GPHN: variants seen among roughly 807,000 people sequenced by gnomAD.
The protein encoded by GPHN is gephyrin.
GPHN carries 17 observed loss-of-function variants against 95.5 expected under a neutral mutation model. The ratio of observed to expected loss-of-function variants is 0.18; its 90% CI spans 0.12 to 0.27. GPHN has a LOEUF of 0.27. GPHN is among the 10% of genes least tolerant of loss of function. GPHN has a pLI of 1.00. For missense variants in GPHN, 660 were observed against 978.1 expected, an observed-to-expected ratio of 0.67 and a Z score of 4.34; for synonymous variants, 320 against 322.5, an observed-to-expected ratio of 0.99 and a Z score of 0.08.
At chr14:67,654,117 A>T in the GPHN span, among the ~76,000 whole-genome samples, 1 of 151,944 alleles carries the variant, frequency 6.6e-6, no homozygotes, top group East Asian at 1.9e-4. Flanking sequence ...CTTGGCTTTT[A>T]TTTATTTGAA....
chr14:66,543,754 T>C (rs1436659452), intron 1 of GPHN, among the ~76,000 whole-genome samples: 1 of 152,196 alleles, frequency 6.6e-6, no homozygotes, highest in African/African-American at 2.4e-5. Flanking sequence ...GATCAAACCA[T>C]GAAAACATAT....
At chr14:67,041,380 C>G (rs529422030) in intron 10 of GPHN, among the ~76,000 whole-genome samples, 1 of 151,960 alleles carries the variant, frequency 6.6e-6, no homozygotes, top group Admixed American at 6.6e-5. Context: ...CCCCCACCCC[C>G]CAACAGGCCC....
At chr14:67,099,110 CTTT>C (rs1200580490) in intron 12 of GPHN, among the ~76,000 whole-genome samples, 1 of 138,966 alleles carries the variant, frequency 7.2e-6, no homozygotes, top group African/African-American at 2.6e-5. Context: ...GTTGTAAAAA[CTTT>C]TTTTTTTTTT....
rs955138105 is a variant in GPHN at position 66,518,654 on chromosome 14, A to G, written c.64+10063A>G. On this transcript the variant is annotated intron_variant, in intron 1 of 22. Coordinates refer to ENST00000478722, the MANE Select transcript of GPHN (RefSeq NM_020806.5). ...ATGCATAATGGAATACTGTTCAGCC[A>G]TAAAGAATGAAATCCTATCATTCAT... Among the ~76,000 whole-genome samples the G allele has an allele frequency of 2.6e-5, 4 of 152,186 alleles. No individual in the cohort carries two copies. In the East Asian group the frequency reaches 5.8e-4, roughly 22 times the overall value.
the GPHN span, among the ~76,000 whole-genome samples, chr14:67,544,320 G>T: frequency 2.0e-5 from 3 of 152,182 alleles, no homozygotes; most frequent in Admixed American, 1.3e-4. Flanking sequence ...TACTACCTGT[G>T]TGGTTTAGGA....
At chr14:66,966,406 A>G (rs896877452) in intron 9 of GPHN, among the ~76,000 whole-genome samples, 5 of 152,048 alleles carry the variant, frequency 3.3e-5, no homozygotes, top group Non-Finnish European at 7.4e-5. Context: ...AAAAAAACTG[A>G]TATTAATTTT....
chr14:67,670,317 G>A, the GPHN span, among the ~76,000 whole-genome samples: 5 of 150,364 alleles, frequency 3.3e-5, no homozygotes, highest in Non-Finnish European at 6.0e-5. Context: ...CAATCTGGCT[G>A]TTTCACCTGC....
chr14:67,382,774 A>C, the GPHN span: 1 of 612,704 alleles, frequency 1.6e-6, no homozygotes, highest in Non-Finnish European at 2.8e-6. Flanking sequence ...AAACAATATA[A>C]ATGAGAAGTT....
intron 18 of GPHN, among the ~76,000 whole-genome samples, chr14:67,155,795 C>T (rs1595414359): frequency 1.3e-5 from 2 of 151,504 alleles, no homozygotes; most frequent in East Asian, 1.9e-4. Flanking sequence ...AATCTCGAGC[C>T]GGATAAATAA....
chr14:67,463,884 T>C, the GPHN span, among the ~76,000 whole-genome samples: 1 of 152,128 alleles, frequency 6.6e-6, no homozygotes, highest in Non-Finnish European at 1.5e-5. Flanking sequence ...CAAAAGTCTG[T>C]CTGAGTCAAT....
At chr14:66,762,277 C>T (rs2058786839) in intron 2 of GPHN, among the ~76,000 whole-genome samples, 1 of 152,076 alleles carries the variant, frequency 6.6e-6, no homozygotes, top group Admixed American at 6.6e-5. Flanking sequence ...TGGTTCATGT[C>T]AGAATGTTAA....
intron 18 of GPHN, among the ~76,000 whole-genome samples, chr14:67,150,464 A>AAAAAAAAAAAAACAAAACAAAAC (rs2081208848): frequency 7.3e-6 from 1 of 136,098 alleles, no homozygotes; most frequent in African/African-American, 2.6e-5. Context: ...AAAAAAAAAA[A>AAAAAAAAAAAAACAAAACAAAAC]AAAAAAAAAC....
At chr14:66,587,029 T>G (rs1464074821) in intron 1 of GPHN, among the ~76,000 whole-genome samples, 1 of 151,914 alleles carries the variant, frequency 6.6e-6, no homozygotes, top group Non-Finnish European at 1.5e-5. Context: ...GACTGAAATA[T>G]ATAAAATAAA....
the GPHN span, chr14:67,692,312 G>T: frequency 1.1e-6 from 1 of 931,376 alleles, no homozygotes; most frequent in Non-Finnish European, 1.6e-6. Context: ...TATGAGTTCA[G>T]CTACAGAAGT....
At chr14:67,453,398 C>T in the GPHN span, among the ~76,000 whole-genome samples, 1 of 152,212 alleles carries the variant, frequency 6.6e-6, no homozygotes, top group African/African-American at 2.4e-5. Context: ...CCAGCTGAGA[C>T]AGAGGGCCTG....
chr14:66,924,178 A>G lies in GPHN; in HGVS notation c.730-16A>G. On this transcript the variant is annotated splice_polypyrimidine_tract_variant and intron_variant, in intron 7 of 22. Transcript: ENST00000478722. ...TCCTGTCACTATATTCATAGTTGTT[A>G]TGTGTTGTGCATTAGAAGCATCCAT... The G allele has an allele frequency of 1.5e-6, 2 of 1,379,210 alleles. No homozygotes were observed. The highest frequency in any genetic ancestry group is 2.1e-6 in the Non-Finnish European group (2 of 965,954). 85.4% of individuals were successfully genotyped at this position (1,379,210 alleles called of 1,614,324 possible). A position where few individuals can be genotyped will look rare whatever the true frequency, so the allele number is the denominator to read the frequency against.
chr14:67,690,231 T>A, the GPHN span: 14 of 1,613,646 alleles, frequency 8.7e-6, no homozygotes, highest in Non-Finnish European at 1.2e-5. Context: ...TCCGGGCCAG[T>A]TCCTGGGTGA....
the GPHN span, among the ~76,000 whole-genome samples, chr14:67,537,462 C>T: frequency 2.7e-5 from 4 of 149,184 alleles, no homozygotes; most frequent in Non-Finnish European, 4.4e-5. Context: ...CCCAGGAGTT[C>T]GAGACCAGCC....
intron 18 of GPHN, among the ~76,000 whole-genome samples, chr14:67,149,696 T>A (rs945697585): frequency 6.6e-6 from 1 of 152,224 alleles, no homozygotes; most frequent in African/African-American, 2.4e-5. Flanking sequence ...ATAACTAATA[T>A]CTGTGTCATA....
Sources: gnomAD v4.1 joint callset for allele counts (sites outside exome capture counted in the v4.1 genomes callset) on GRCh38, gnomAD v4.1.1 for gene constraint, MANE v1.5 for transcripts, NCBI Gene and HGNC (gene_info 2026-07-23, HGNC 2026-07-21) for gene names.